The following ZNF804B variants were observed in gnomAD, a reference collection of about 807,000 sequenced individuals.
ZNF804B encodes the protein zinc finger 804B.
ZNF804B carries 80 observed loss-of-function variants against 101.4 expected under a neutral mutation model. The ratio of observed to expected loss-of-function variants is 0.79; its 90% CI spans 0.66 to 0.95. The LOEUF is 0.95. ZNF804B is among the 40% of genes least tolerant of loss of function. The pLI is 0.00. For synonymous variants in ZNF804B, 622 were observed against 558.8 expected, an observed-to-expected ratio of 1.11 and a Z score of -1.59; for missense variants, 1,673 against 1,561.9, an observed-to-expected ratio of 1.07 and a Z score of -1.20.
At chr7:89,157,646 G>A (rs1790996847) in intron 1 of ZNF804B, among the ~76,000 whole-genome samples, 1 of 152,126 alleles carries the variant, frequency 6.6e-6, no homozygotes. Context: ...CAGTCCAAAA[G>A]TGAATTTTAT....
intron 1 of ZNF804B, among the ~76,000 whole-genome samples, chr7:89,139,350 G>A (rs1790683367): frequency 6.6e-6 from 1 of 152,054 alleles, no homozygotes; most frequent in South Asian, 2.1e-4. Flanking sequence ...GTTAAAGGTT[G>A]TGGTGGCTGT....
chr7:89,243,683 A>G (rs1379551056), intron 2 of ZNF804B, among the ~76,000 whole-genome samples: 1 of 151,916 alleles, frequency 6.6e-6, no homozygotes, highest in African/African-American at 2.4e-5. Context: ...AATATTTTCC[A>G]GCGAAGTTTG....
At chr7:88,790,634 A>G (rs1289654080) in intron 1 of ZNF804B, among the ~76,000 whole-genome samples, 1 of 152,092 alleles carries the variant, frequency 6.6e-6, no homozygotes, top group Non-Finnish European at 1.5e-5. Context: ...ATATATTCAT[A>G]GTATTCCATA....
At chr7:88,864,443 C>A (rs927326729) in intron 1 of ZNF804B, among the ~76,000 whole-genome samples, 1 of 152,032 alleles carries the variant, frequency 6.6e-6, no homozygotes, top group African/African-American at 2.4e-5. Context: ...GAAGTGATGC[C>A]AGGCAGGATG....
At position 88,916,589 on chromosome 7, in the gene ZNF804B, C is replaced by T. The variant is rs375866951; in HGVS notation, c.108+156505C>T. On this transcript the variant is annotated intron_variant, in intron 1 of 3. Transcript: ENST00000333190. ...AATAAGATGTAAACATCATGGGTTG[C>T]TGATTATTTCTTTTTTGCTATTTAG... Among the ~76,000 whole-genome samples, 6 of 152,118 alleles carry T rather than the reference C, an allele frequency of 3.9e-5. No homozygotes were observed. In the East Asian group the frequency reaches 1.2e-3, roughly 29 times the overall value.
At chr7:89,243,443 A>G (rs1361760140) in intron 2 of ZNF804B, among the ~76,000 whole-genome samples, 2 of 151,804 alleles carry the variant, frequency 1.3e-5, no homozygotes, top group Admixed American at 6.6e-5. Flanking sequence ...TCTCAGCTGT[A>G]TTTGAGTTGA....
intron 1 of ZNF804B, among the ~76,000 whole-genome samples, chr7:89,072,513 A>G (rs1215781033): frequency 6.6e-6 from 1 of 152,180 alleles, no homozygotes; most frequent in African/African-American, 2.4e-5. Flanking sequence ...TATCTCATCC[A>G]ATCTGAGCTT....
chr7:89,205,229 G>A (rs1371003855), intron 1 of ZNF804B, among the ~76,000 whole-genome samples: 4 of 152,090 alleles, frequency 2.6e-5, no homozygotes, highest in Non-Finnish European at 5.9e-5. Flanking sequence ...TATAATTCAA[G>A]GTGAGATTTG....
rs142696289 is a variant in ZNF804B, at chr7:89,176,587, C to CTTTTTT, written c.109-41565_109-41564insTTTTTT. Reference sequence around the variant, plus strand: ...TTTTCTTTTTTTTCTTTCTTTCTTTCTTTCTTTTTTTTTTTTTTTTTCATG... The same window carrying CTTTTTT: ...TTTTCTTTTTTTTCTTTCTTTCTTTCTTTTTTTTTCTTTTTTTTTTTTTTTTTCATG... On this transcript the variant is annotated intron_variant, in intron 1 of 3. Transcript: ENST00000333190. Among the ~76,000 whole-genome samples the CTTTTTT allele has an allele frequency of 4.3e-4, 23 of 53,970 alleles. 1 individual carries two copies. Among genetic ancestry groups the CTTTTTT allele is most frequent in the East Asian group, 1.8e-3 (4 of 2,240 alleles). The allele number at this position is 53,970 out of a possible 152,430, so 35.4% of individuals were successfully genotyped here. A position where few individuals can be genotyped will look rare whatever the true frequency, so the allele number is the denominator to read the frequency against.
At chr7:89,318,182 G>A (rs150728234) in intron 2 of ZNF804B, among the ~76,000 whole-genome samples, 12 of 152,154 alleles carry the variant, frequency 7.9e-5, no homozygotes, top group Admixed American at 4.6e-4. Flanking sequence ...TCCATCATTC[G>A]GTGAACCTAC....
intron 1 of ZNF804B, among the ~76,000 whole-genome samples, chr7:89,184,930 A>G (rs572441833): frequency 5.6e-4 from 85 of 152,268 alleles, no homozygotes; most frequent in South Asian, 1.9e-3. Context: ...TAATATATTT[A>G]TGTGGATTTA....
chr7:89,116,854 A>G (rs1228651254), intron 1 of ZNF804B, among the ~76,000 whole-genome samples: 1 of 152,216 alleles, frequency 6.6e-6, no homozygotes, highest in African/African-American at 2.4e-5. Flanking sequence ...TATAAAGCCT[A>G]TTGTCCAGAA....
At chr7:89,134,395 C>T (rs1458564038) in intron 1 of ZNF804B, among the ~76,000 whole-genome samples, 5 of 151,960 alleles carry the variant, frequency 3.3e-5, no homozygotes, top group Non-Finnish European at 5.9e-5. Context: ...GTGAGGCCAA[C>T]CCTAATCAAT....
chr7:88,912,268 G>A (rs1216438015), intron 1 of ZNF804B, among the ~76,000 whole-genome samples: 1 of 151,932 alleles, frequency 6.6e-6, no homozygotes, highest in Non-Finnish European at 1.5e-5. Flanking sequence ...TGGCTTGCTT[G>A]TCTTTTCATT....
At position 89,334,527 on chromosome 7, in the gene ZNF804B, A is replaced by G. The variant is rs370106229; in HGVS notation, c.1545A>G (p.Gln515=). 2.5e-6 allele frequency: 4 copies of G among 1,613,708 alleles called. No individual in the cohort carries two copies. The highest frequency in any genetic ancestry group is 1.1e-5 in the South Asian group (1 of 91,068). The change falls in exon 4 of 4, where the codon CAA becomes CAG. Residue 515 remains glutamine (Q), a synonymous_variant. Coordinates refer to ENST00000333190, the MANE Select transcript of ZNF804B (RefSeq NM_181646.5). The stretch of plus-strand genomic sequence containing the variant: ...AATTGAAGACTAAAAGAGAGAGCCA[A>G]GTCTCAGGTTTAACTGAAGACCAAC... ...PLELKTKRES[Q]VSGLTEDQQK... is the part of the protein sequence containing the mutation.
At chr7:88,962,168 T>C (rs1234680040) in intron 1 of ZNF804B, among the ~76,000 whole-genome samples, 2 of 151,264 alleles carry the variant, frequency 1.3e-5, no homozygotes, top group Admixed American at 1.3e-4. Flanking sequence ...CTAAAATGGT[T>C]TATCTCTGCA....
intron 1 of ZNF804B, among the ~76,000 whole-genome samples, chr7:89,180,380 T>C (rs1164824897): frequency 2.0e-5 from 3 of 152,050 alleles, no homozygotes; most frequent in African/African-American, 7.2e-5. Flanking sequence ...CTAAGTCCTT[T>C]TTACTCTTCT....
chr7:88,973,324 C>T (rs1290292012), intron 1 of ZNF804B, among the ~76,000 whole-genome samples: 1 of 151,174 alleles, frequency 6.6e-6, no homozygotes, highest in African/African-American at 2.4e-5. Flanking sequence ...CTGCTTACTT[C>T]AGAGCTTGTA....
At chr7:88,814,698 A>G (rs10275147) in intron 1 of ZNF804B, among the ~76,000 whole-genome samples, 66,174 of 151,462 alleles carry the variant, frequency 0.44, 15,224 homozygotes, top group East Asian at 0.78. Flanking sequence ...AAAAAATGGG[A>G]ATAGATGCCA....
Sources: gnomAD v4.1 joint callset for allele counts (sites outside exome capture counted in the v4.1 genomes callset) on GRCh38, gnomAD v4.1.1 for gene constraint, MANE v1.5 for transcripts, NCBI Gene and HGNC (gene_info 2026-07-23, HGNC 2026-07-21) for gene names.